Variants in IGSF22 observed in about 807,000 individuals in gnomAD.
IGSF22 encodes immunoglobulin superfamily member 22, also known as immunoglobulin superfamily, member 22.
A neutral mutation model predicts 127.0 loss-of-function variants in IGSF22; 119 were observed. The observed-to-expected ratio is 0.94, with a 90% CI of 0.81 to 1.09. The LOEUF is 1.09. Among genes scored for constraint, IGSF22 ranks in the 50% least tolerant of loss-of-function variants. IGSF22 has a pLI of 0.00. For synonymous variants in IGSF22, 568 were observed against 664.7 expected (o/e 0.85, Z 2.24); for missense variants, 1,518 against 1,716.6 (o/e 0.88, Z 2.04).
intron 3 of IGSF22, 65 bp from the exon 4 acceptor site, chr11:18,721,736 G>C: frequency 1.2e-6 from 2 of 1,604,186 alleles, no homozygotes; most frequent in Non-Finnish European, 1.7e-6. Flanking sequence ...GCCACCCTCT[G>C]CCGGCTCTCT....
chr11:18,709,119 C>T lies in IGSF22; in HGVS notation c.2998+268G>A, dbSNP rs1021604774. On this transcript the variant is annotated intron_variant, in intron 18 of 22. Coordinates refer to ENST00000513874, the MANE Select transcript of IGSF22 (RefSeq NM_173588.4). The surrounding 1 kb of genome is among the most constrained non-coding windows in gnomAD (Gnocchi z 4.8). ...ACTCTTTGTTGCAATGCTGTGGTCT[C>T]AGTGAACTGGTTTTGCGTGTACAAT... 4.6e-5 allele frequency among the ~76,000 whole-genome samples: 7 copies of T among 152,186 alleles called. No homozygotes were observed. Among genetic ancestry groups the T allele is most frequent in the Admixed American group, 3.3e-4 (5 of 15,284 alleles).
intron 11 of IGSF22, 56 bp from the exon 12 acceptor site, chr11:18,714,680 C>T: frequency 6.2e-7 from 1 of 1,600,822 alleles, no homozygotes; most frequent in Non-Finnish European, 8.5e-7. Flanking sequence ...GGAGGGACTT[C>T]TGGGAAAAGG....
At position 18,724,175 on chromosome 11, in the gene IGSF22, G is replaced by A. The variant is rs1238138089; in HGVS notation, c.62C>T (p.Ser21Phe). The A allele has an allele frequency of 1.9e-6, 3 of 1,613,870 alleles. No individual in the cohort carries two copies. The highest frequency in any genetic ancestry group is 1.7e-5 in the Admixed American group (1 of 60,010). The stretch of plus-strand genomic sequence containing the variant: ...GGAGAAGGTCTGCACGTGGGTGGTG[G>A]AGCTGGAGAACTCCATGGACACGTG... The part of the protein sequence containing the change: ...QEHVSMEFSS[S>F]TTHVQTFSQT... Residue 21 changes from serine to phenylalanine, a missense_variant, in exon 2 of 23, where the codon TCC (serine) becomes TTC (phenylalanine). By Grantham distance (155) the Ser-to-Phe change is radical. Transcript: ENST00000513874.
At chr11:18,713,099 C>T (rs1848387015) in intron 14 of IGSF22, among the ~76,000 whole-genome samples, 1 of 151,680 alleles carries the variant, frequency 6.6e-6, no homozygotes, top group Non-Finnish European at 1.5e-5. Flanking sequence ...ACTACTCTTT[C>T]CAAACAACCT....
chr11:18,725,913 C>T (rs1365188198), intron 1 of IGSF22, among the ~76,000 whole-genome samples, 161 bp downstream of exon 1: 1 of 152,178 alleles, frequency 6.6e-6, no homozygotes, highest in Non-Finnish European at 1.5e-5. Context: ...AAACTCTATT[C>T]CCTCTCTCCA....
At position 18,722,325 on chromosome 11, in the gene IGSF22, G is replaced by C. The variant is rs146914042; in HGVS notation, c.110-284C>G. Among the ~76,000 whole-genome samples, 265 of 152,054 alleles carry C rather than the reference G, an allele frequency of 1.7e-3. 2 individuals are homozygous for C. Among genetic ancestry groups the C allele is most frequent in the African/African-American group, 6.2e-3 (259 of 41,472 alleles). ...GTCCTAATTTTTTTTTTTAAAGGAG[G>C]CTTCTCTTTTGGAATTTTCTTGGTC... On this transcript the variant is annotated intron_variant, in intron 2 of 22. Transcript: ENST00000513874.
Position 18,705,823 on chromosome 11 carries a change from CGGT to C in IGSF22, c.3901_3903del (p.Thr1301del), listed in dbSNP as rs1309458706. ...GACCCCGCGGCGCCCTCACCATAGA[CGGT>C]GAGCGTGCAGCTGCTGCGGTCCTTG... On this transcript the variant is annotated inframe_deletion, in exon 22 of 23. Transcript: ENST00000513874. The C allele has an allele frequency of 5.2e-6, 8 of 1,545,414 alleles. No individual in the cohort carries two copies. The East Asian group carries it at 2.0e-4, about 38-fold the overall frequency.
At chr11:18,721,872 A>G in intron 3 of IGSF22, 38 bp downstream of exon 3, 1 of 1,609,446 alleles carries the variant, frequency 6.2e-7, no homozygotes, top group Non-Finnish European at 8.5e-7. Flanking sequence ...TTAGAAAGCG[A>G]AGCACTGGAG....
intron 7 of IGSF22, 41 bp from the exon 8 acceptor site, chr11:18,718,769 C>G: frequency 8.0e-7 from 1 of 1,255,452 alleles, no homozygotes; most frequent in Non-Finnish European, 1.2e-6. Flanking sequence ...GTCAGTGGTA[C>G]CCAAAGCCTG....
intron 9 of IGSF22, among the ~76,000 whole-genome samples, chr11:18,717,427 T>G (rs1438852894): frequency 1.1e-3 from 10 of 9,184 alleles, no homozygotes; most frequent in Non-Finnish European, 6.7e-4. Flanking sequence ...TCTGCGTTCT[T>G]TTTTTTTAAC....
Position 18,705,824 on chromosome 11 carries a change from G to T in IGSF22, c.3903C>A (p.Thr1301=). The change falls in exon 22 of 23, where the codon ACC becomes ACA. Residue 1301 remains threonine (T), a synonymous_variant. Transcript: ENST00000513874. ...ACCCCGCGGCGCCCTCACCATAGAC[G>T]GTGAGCGTGCAGCTGCTGCGGTCCT... is the stretch of plus-strand genomic sequence containing the variant. ...LGKDRSSCTL[T]VYDKDDKSVV... 2 of 1,545,654 alleles carry T rather than the reference G, an allele frequency of 1.3e-6. No homozygotes were observed. The highest frequency in any genetic ancestry group is 8.7e-7 in the Non-Finnish European group (1 of 1,144,920).
chr11:18,718,482 C>T, intron 8 of IGSF22, 133 bp downstream of exon 8: 2 of 711,868 alleles, frequency 2.8e-6, no homozygotes, highest in East Asian at 2.5e-5. Flanking sequence ...AGCCCAATTC[C>T]AGCCTCTTTC....
intron 2 of IGSF22, among the ~76,000 whole-genome samples, chr11:18,723,689 T>C (rs1235451383): frequency 6.6e-6 from 1 of 152,242 alleles, no homozygotes; most frequent in African/African-American, 2.4e-5. Context: ...TTCTTGTTTA[T>C]GTGTTCACCT....
At chr11:18,723,934 A>T (rs1848611798) in intron 2 of IGSF22, among the ~76,000 whole-genome samples, 194 bp downstream of exon 2, 1 of 152,244 alleles carries the variant, frequency 6.6e-6, no homozygotes, top group African/African-American at 2.4e-5. Context: ...TGGAGATCTG[A>T]TCTGTGTTGA....
intron 21 of IGSF22, chr11:18,706,521 C>T (rs1848237195): frequency 2.8e-6 from 1 of 361,106 alleles, no homozygotes; most frequent in East Asian, 5.1e-5. Context: ...CCTTTAGCTC[C>T]TCAGTTCGAG....
At position 18,715,535 on chromosome 11, in the gene IGSF22, G is replaced by C; in HGVS notation, c.1428C>G (p.Ile476Met). ...MNHEGKRAEL[I>M]IEDAQLSDGG... is the part of the protein sequence containing the mutation. ...CATCACTGAGCTGTGCATCCTCAAT[G>C]ATCAGCTCTGCTCGCTTGCCCTCAT... is the stretch of plus-strand genomic sequence containing the variant. The change falls in exon 11 of 23, where the codon ATC (isoleucine) becomes ATG (methionine). Residue 476 changes from isoleucine to methionine, a missense_variant. By Grantham distance (10) the Ile-to-Met change is conservative (BLOSUM62 1). This residue lies in a region of IGSF22 where 1,456 missense variants were observed against 1,644.9 expected (regional missense o/e 0.89). Coordinates refer to ENST00000513874, the MANE Select transcript of IGSF22 (RefSeq NM_173588.4). 1.9e-6 allele frequency: 3 copies of C among 1,613,936 alleles called. No individual in the cohort carries two copies. The highest frequency in any genetic ancestry group is 2.5e-6 in the Non-Finnish European group (3 of 1,179,912).
At chr11:18,706,564 G>T in intron 21 of IGSF22, 1 of 339,314 alleles carries the variant, frequency 2.9e-6, no homozygotes, top group Non-Finnish European at 5.4e-6. Flanking sequence ...TTAACCCCTA[G>T]CCTCCAGGGA....
chr11:18,713,432 T>C (rs7121601), intron 14 of IGSF22, among the ~76,000 whole-genome samples: 99,051 of 152,104 alleles, frequency 0.65, 32,827 homozygotes, highest in African/African-American at 0.74. Context: ...GGATTATAGG[T>C]GTGAGCTATA....
At chr11:18,710,919 TA>T in intron 15 of IGSF22, 91 bp from the exon 16 acceptor site, 2 of 1,111,016 alleles carry the variant, frequency 1.8e-6, no homozygotes, top group African/African-American at 3.1e-5. Flanking sequence ...CCTGCTTAAA[TA>T]AACTCAAACC....
Sources: allele counts gnomAD v4.1 joint callset (sites outside exome capture counted in the v4.1 genomes callset), GRCh38; gene constraint gnomAD v4.1.1; regional missense constraint gnomAD v4.1.1; non-coding constraint Gnocchi (gnomAD v3.1); transcripts MANE v1.5; gene names NCBI Gene and HGNC (gene_info 2026-07-23, HGNC 2026-07-21).